CEP112: variants seen among roughly 807,000 people sequenced by gnomAD.
CEP112 encodes the protein centrosomal protein 112.
In CEP112, 127 loss-of-function variants were observed where a neutral mutation model predicts 153.0. The observed-to-expected ratio is 0.83, with a 90% confidence interval of 0.72 to 0.96. The LOEUF is 0.96. Ranked by LOEUF, CEP112 falls within the 40% of genes least tolerant of loss-of-function variation. The pLI is 0.00. For synonymous variants in CEP112, 358 were observed against 374.4 expected (o/e 0.96, Z 0.51); for missense variants, 1,089 against 1,101.2 (o/e 0.99, Z 0.16).
Position 65,886,963 on chromosome 17 carries a change from G to A in CEP112, c.2163+15189C>T, listed in dbSNP as rs2059301928. ...GGGGGACACTCTTCTAAGATTTGGG[G>A]GAGGGACTTAGAGTATTTCCAAACT... On this transcript the variant is annotated intron_variant, in intron 20 of 26. Transcript: ENST00000535342. Among the ~76,000 whole-genome samples the A allele has an allele frequency of 2.0e-5, 3 of 152,150 alleles. No individual in the cohort carries two copies. The South Asian group carries it at 6.2e-4, about 32-fold the overall frequency.
At chr17:66,088,646 G>A (rs979245540) in intron 8 of CEP112, among the ~76,000 whole-genome samples, 6 of 152,052 alleles carry the variant, frequency 3.9e-5, no homozygotes, top group African/African-American at 9.7e-5. Context: ...ACTCCAGGTC[G>A]GCCACTGGGG....
chr17:65,671,987 G>T (rs1435529287), intron 24 of CEP112, among the ~76,000 whole-genome samples: 3 of 152,160 alleles, frequency 2.0e-5, no homozygotes, highest in African/African-American at 4.8e-5. Flanking sequence ...TGAAATACAG[G>T]AAGGAAGATA....
chr17:66,063,506 G>T (rs1415836054), intron 10 of CEP112, among the ~76,000 whole-genome samples: 1 of 151,936 alleles, frequency 6.6e-6, no homozygotes, highest in African/African-American at 2.4e-5. Flanking sequence ...AGCAGGGGGT[G>T]GAAAAGGGGG....
At chr17:65,834,739 CTG>C (rs2057232321) in intron 21 of CEP112, among the ~76,000 whole-genome samples, 1 of 152,172 alleles carries the variant, frequency 6.6e-6, no homozygotes, top group Non-Finnish European at 1.5e-5. Flanking sequence ...CACTTATACA[CTG>C]TCTGTGGGAG....
At chr17:65,905,202 T>G (rs904899967) in intron 19 of CEP112, among the ~76,000 whole-genome samples, 3 of 152,058 alleles carry the variant, frequency 2.0e-5, no homozygotes, top group Admixed American at 6.6e-5. Context: ...GCAATCTATC[T>G]ATCTGAGAAA....
chr17:65,882,161 C>G (rs538148495), intron 20 of CEP112, among the ~76,000 whole-genome samples: 6 of 152,356 alleles, frequency 3.9e-5, no homozygotes, highest in Non-Finnish European at 8.8e-5. Flanking sequence ...GCATGCACTA[C>G]TGAAAAACAG....
At chr17:66,048,598 A>G (rs1393311067) in intron 12 of CEP112, among the ~76,000 whole-genome samples, 1 of 152,112 alleles carries the variant, frequency 6.6e-6, no homozygotes, top group African/African-American at 2.4e-5. Flanking sequence ...AACAAGACAT[A>G]AAAAGCACTA....
At chr17:66,005,361 C>A (rs1428512480) in intron 17 of CEP112, among the ~76,000 whole-genome samples, 1 of 152,112 alleles carries the variant, frequency 6.6e-6, no homozygotes, top group Admixed American at 6.5e-5. Context: ...TCAACAAAAT[C>A]TACGGAGGAA....
chr17:66,121,247 G>A (rs2069570448), intron 6 of CEP112, among the ~76,000 whole-genome samples: 4 of 150,878 alleles, frequency 2.7e-5, no homozygotes, highest in Admixed American at 2.0e-4. Context: ...TTGCACTCTA[G>A]CCTGGGCAAC....
intron 21 of CEP112, among the ~76,000 whole-genome samples, chr17:65,849,953 A>T (rs1022006132): frequency 6.6e-6 from 1 of 152,112 alleles, no homozygotes; most frequent in Non-Finnish European, 1.5e-5. Context: ...CAGGAGTTTG[A>T]GACCATCCTG....
At position 65,951,749 on chromosome 17, in the gene CEP112, C is replaced by CACCCCCG. The variant is rs371338724; in HGVS notation, c.1872+9713_1872+9714insCGGGGGT. On this transcript the variant is annotated intron_variant, in intron 18 of 26. Coordinates refer to ENST00000535342, the MANE Select transcript of CEP112 (RefSeq NM_001199165.4). ...TCTGCTCTAATCTTCCCCCGCCCCC[C>CACCCCCG]CCTTTCTTCCACTTGCTTAGAAGCT... Among the ~76,000 whole-genome samples the CACCCCCG allele has an allele frequency of 5.6e-5, 6 of 106,240 alleles. 1 individual carries two copies. Among genetic ancestry groups the CACCCCCG allele is most frequent in the African/African-American group, 1.3e-4 (4 of 31,232 alleles). The allele number at this position is 106,240 out of a possible 152,430, so 69.7% of individuals were successfully genotyped here.
intron 2 of CEP112, among the ~76,000 whole-genome samples, chr17:66,181,374 C>A (rs890296690): frequency 6.6e-6 from 1 of 151,768 alleles, no homozygotes; most frequent in Non-Finnish European, 1.5e-5. Context: ...GAGATGGAGT[C>A]TCGCTCTGTC....
intron 11 of CEP112, among the ~76,000 whole-genome samples, chr17:66,057,432 G>T (rs1332903583): frequency 6.6e-6 from 1 of 152,086 alleles, no homozygotes; most frequent in Non-Finnish European, 1.5e-5. Context: ...TATTCTCCAT[G>T]GGATAGGGAA....
In CEP112 at chr17:65,821,497, TATATATATATATATAA is replaced by T. The variant is rs1295495549; in HGVS notation, c.2394+30291_2394+30306del. On this transcript the variant is annotated intron_variant, in intron 21 of 26. Coordinates refer to ENST00000535342, the MANE Select transcript of CEP112 (RefSeq NM_001199165.4). ...AAATTATTAAACTTATATATATAAT[TATATATATATATATAA>T]TTATATATATATATATATATATATA... Among the ~76,000 whole-genome samples, 50 of 117,096 alleles carry T rather than the reference TATATATATATATATAA, an allele frequency of 4.3e-4. No individual in the cohort carries two copies. The East Asian group carries it at 5.6e-3, about 13-fold the overall frequency. The allele number at this position is 117,096 out of a possible 152,430, so 76.8% of individuals were successfully genotyped here. A position where few individuals can be genotyped will look rare whatever the true frequency, so the allele number is the denominator to read the frequency against.
At chr17:65,970,847 T>C (rs1184113346) in intron 17 of CEP112, among the ~76,000 whole-genome samples, 2 of 44,538 alleles carry the variant, frequency 4.5e-5, no homozygotes, top group Non-Finnish European at 9.5e-5. Context: ...TACATGCATA[T>C]GTCATGTATA....
At chr17:66,125,515 C>G (rs964076989) in intron 6 of CEP112, among the ~76,000 whole-genome samples, 2 of 150,268 alleles carry the variant, frequency 1.3e-5, no homozygotes, top group Non-Finnish European at 3.0e-5. Context: ...GACCCTGTCT[C>G]TAAAAAAAAG....
chr17:65,754,657 G>A (rs935016143), intron 21 of CEP112, among the ~76,000 whole-genome samples: 2 of 149,296 alleles, frequency 1.3e-5, no homozygotes, highest in African/African-American at 5.2e-5. Flanking sequence ...ACAATACAGT[G>A]TAGAGGTCAG....
intron 17 of CEP112, among the ~76,000 whole-genome samples, chr17:65,969,616 C>T (rs1028140228): frequency 6.6e-6 from 1 of 152,166 alleles, no homozygotes; most frequent in Admixed American, 6.5e-5. Flanking sequence ...TACATGTGTG[C>T]CGCATGCACT....
intron 21 of CEP112, among the ~76,000 whole-genome samples, chr17:65,829,432 A>G (rs1272396266): frequency 1.3e-5 from 2 of 152,178 alleles, no homozygotes; most frequent in African/African-American, 4.8e-5. Context: ...GTATCTATGC[A>G]GCTTTATGCC....
Sources: gnomAD v4.1 joint callset for allele counts (sites outside exome capture counted in the v4.1 genomes callset) on GRCh38, gnomAD v4.1.1 for gene constraint, MANE v1.5 for transcripts, NCBI Gene and HGNC (gene_info 2026-07-23, HGNC 2026-07-21) for gene names.